The following PAM variants were observed in gnomAD, a reference collection of about 807,000 sequenced individuals.
The protein encoded by PAM is peptidyl-glycine alpha-amidating monooxygenase.
PAM carries 72 observed loss-of-function variants against 122.1 expected under a neutral mutation model. That is an observed-to-expected ratio of 0.59 (90% confidence interval 0.49 to 0.72). The LOEUF is 0.72. PAM is among the 30% of genes least tolerant of loss of function. PAM has a pLI of 0.00. For synonymous variants in PAM, 389 were observed against 404.4 expected (o/e 0.96, Z 0.46); for missense variants, 1,106 against 1,183.7 (o/e 0.93, Z 0.96).
At chr5:102,901,987 A>G (rs908422322) in intron 4 of PAM, among the ~76,000 whole-genome samples, 1 of 151,638 alleles carries the variant, frequency 6.6e-6, no homozygotes, top group Non-Finnish European at 1.5e-5. Context: ...GAGCCTTTAA[A>G]TCAGAGAGGA....
At chr5:103,016,141 CA>C (rs1781919864) in intron 21 of PAM, among the ~76,000 whole-genome samples, 1 of 152,164 alleles carries the variant, frequency 6.6e-6, no homozygotes, top group Admixed American at 6.5e-5. Flanking sequence ...TTTTCCTCTA[CA>C]TATTTGTCAC....
intron 1 of PAM, among the ~76,000 whole-genome samples, chr5:102,842,524 C>G (rs1180336359): frequency 6.6e-6 from 1 of 152,186 alleles, no homozygotes; most frequent in Non-Finnish European, 1.5e-5. Flanking sequence ...TGTGAGGCCT[C>G]CCCACCCATG....
At chr5:102,799,703 C>T (rs168926) in intron 1 of PAM, among the ~76,000 whole-genome samples, 63,559 of 151,962 alleles carry the variant, frequency 0.42, 14,086 homozygotes, top group African/African-American at 0.56. Flanking sequence ...CACACTGTTA[C>T]ACAGGCTCCT....
chr5:103,017,119 A>G (rs527742845), intron 21 of PAM, among the ~76,000 whole-genome samples: 26 of 152,302 alleles, frequency 1.7e-4, no homozygotes, highest in Middle Eastern at 3.4e-3. Context: ...GCATTTCCCA[A>G]TGTTTAGAAT....
chr5:102,956,930 T>C (rs890433837), intron 12 of PAM, among the ~76,000 whole-genome samples: 2 of 152,092 alleles, frequency 1.3e-5, no homozygotes, highest in African/African-American at 4.8e-5. Flanking sequence ...AAAATTATCT[T>C]TGAGGAAATA....
At chr5:102,800,590 A>G (rs1306111116) in intron 1 of PAM, among the ~76,000 whole-genome samples, 1 of 152,162 alleles carries the variant, frequency 6.6e-6, no homozygotes, top group Non-Finnish European at 1.5e-5. Flanking sequence ...CAGAGCTGGG[A>G]TTTAGGTCCC....
intron 15 of PAM, chr5:102,987,488 A>G (rs963103936): frequency 2.2e-6 from 1 of 449,696 alleles, no homozygotes; most frequent in African/African-American, 2.0e-5. Flanking sequence ...AAATATAGTT[A>G]ACAACAATAT....
At chr5:103,005,125 T>G (rs201811068) in intron 17 of PAM, 29 bp from the exon 18 acceptor site, 1 of 1,345,104 alleles carries the variant, frequency 7.4e-7, no homozygotes, top group East Asian at 2.3e-5. Context: ...AGTAAATGTG[T>G]AATTAACACA....
intron 15 of PAM, among the ~76,000 whole-genome samples, chr5:102,979,701 T>C (rs1164225049): frequency 1.3e-5 from 2 of 152,266 alleles, no homozygotes; most frequent in East Asian, 3.9e-4. Flanking sequence ...TTCATGTGAA[T>C]GCAACAGTGA....
At chr5:102,755,688 TC>T (rs1462553755) in intron 1 of PAM, among the ~76,000 whole-genome samples, 5 of 151,802 alleles carry the variant, frequency 3.3e-5, no homozygotes, top group Admixed American at 1.3e-4. Flanking sequence ...TTGTGCCCTC[TC>T]CCTAGGGGGT....
chr5:102,880,708 T>G (rs183362726), intron 3 of PAM, among the ~76,000 whole-genome samples: 6 of 151,994 alleles, frequency 3.9e-5, no homozygotes, highest in African/African-American at 1.4e-4. Flanking sequence ...AGAGAAAAAT[T>G]AATAGCCTTA....
intron 1 of PAM, among the ~76,000 whole-genome samples, chr5:102,805,968 A>G (rs996461309): frequency 3.3e-5 from 5 of 152,134 alleles, no homozygotes; most frequent in African/African-American, 1.2e-4. Context: ...GTGGTCTTCC[A>G]TATTTCCTTC....
At chr5:102,899,775 G>C (rs1797164873) in intron 3 of PAM, among the ~76,000 whole-genome samples, 1 of 151,636 alleles carries the variant, frequency 6.6e-6, no homozygotes, top group African/African-American at 2.4e-5. Context: ...AGTGTGAAGT[G>C]AACCTAACTT....
In PAM at chr5:102,756,149, G is replaced by A. The variant is rs78407202; in HGVS notation, c.-374+801G>A. ...TGGGGCTCCCTTGGGATGACTTAGG[G>A]TATTACGTGATTTTGAGCACGGTCT... On this transcript the variant is annotated intron_variant, in intron 1 of 25. Coordinates refer to ENST00000438793, the MANE Select transcript of PAM (RefSeq NM_001177306.2). Among the ~76,000 whole-genome samples, 600 of 152,300 alleles carry A rather than the reference G, an allele frequency of 3.9e-3. 3 individuals are homozygous for A. Among genetic ancestry groups the A allele is most frequent in the African/African-American group, 0.013 (529 of 41,566 alleles).
intron 1 of PAM, among the ~76,000 whole-genome samples, chr5:102,776,186 GT>G (rs1332990607): frequency 3.3e-5 from 5 of 152,042 alleles, no homozygotes; most frequent in African/African-American, 1.2e-4. Context: ...TGATGGGGTT[GT>G]TTTTTTCTTG....
chr5:102,799,423 T>G (rs552786815), intron 1 of PAM, among the ~76,000 whole-genome samples: 71 of 152,248 alleles, frequency 4.7e-4, no homozygotes, highest in African/African-American at 1.7e-3. Flanking sequence ...TTTTGCAAAT[T>G]TTCATGCATA....
chr5:102,798,808 G>A (rs1183757185), intron 1 of PAM, among the ~76,000 whole-genome samples: 1 of 152,180 alleles, frequency 6.6e-6, no homozygotes, highest in Non-Finnish European at 1.5e-5. Context: ...CATGGTGGGT[G>A]AAGGGAAAAG....
At position 103,009,863 on chromosome 5, in the gene PAM, C is replaced by T. The variant is rs369992723; in HGVS notation, c.2328C>T (p.Arg776=). The T allele has an allele frequency of 1.3e-6, 2 of 1,545,198 alleles. No homozygotes were observed. The highest frequency in any genetic ancestry group is 1.4e-5 in the African/African-American group (1 of 73,322). ...GEIIDIFKPV[R]KHFDMPHDIV... is the part of the protein sequence containing the mutation. ...TTATAGACATCTTCAAGCCAGTGCG[C>T]AAGGTATTTACACACATTGTCTAGG... is the stretch of plus-strand genomic sequence containing the variant. The change falls in exon 21 of 26, where the codon CGC becomes CGT. Residue 776 remains arginine, a synonymous_variant. Transcript: ENST00000438793.
In PAM at chr5:102,787,682, A is replaced by G. The variant is rs1487562157; in HGVS notation, c.-374+32334A>G. 2.0e-5 allele frequency among the ~76,000 whole-genome samples: 3 copies of G among 151,910 alleles called. No individual in the cohort carries two copies. In the East Asian group the frequency reaches 5.8e-4, roughly 30 times the overall value. On this transcript the variant is annotated intron_variant, in intron 1 of 25. Coordinates refer to ENST00000438793, the MANE Select transcript of PAM (RefSeq NM_001177306.2). ...CTCTTAGCAAGGAAATTTGTATTTG[A>G]TACTTCCTAGGGGACCCGTAGTTCC... is the stretch of plus-strand genomic sequence containing the variant.
Sources: allele counts gnomAD v4.1 joint callset (sites outside exome capture counted in the v4.1 genomes callset), GRCh38; gene constraint gnomAD v4.1.1; transcripts MANE v1.5; gene names NCBI Gene and HGNC (gene_info 2026-07-23, HGNC 2026-07-21).